The following DAPK2 variants were observed in gnomAD, a reference collection of about 807,000 sequenced individuals.
DAPK2 encodes the protein death associated protein kinase 2, also known as death-associated protein kinase 2.
DAPK2 carries 35 observed loss-of-function variants against 44.1 expected under a neutral mutation model. That is an observed-to-expected ratio of 0.79 (90% CI 0.61 to 1.05). The LOEUF (loss-of-function observed/expected upper bound fraction) is 1.05. Among genes scored for constraint, DAPK2 ranks in the 50% least tolerant of loss-of-function variants. The probability of loss-of-function intolerance (pLI) is 0.00; values close to 1 mark genes in which losing one functional copy is unlikely to be tolerated. For missense variants in DAPK2, 453 were observed against 483.2 expected, an observed-to-expected ratio of 0.94 and a Z score of 0.59; for synonymous variants, 174 against 182.6, an observed-to-expected ratio of 0.95 and a Z score of 0.38.
rs1444684866 is a variant in DAPK2 at position 63,923,110 on chromosome 15, G to C, written c.858+1706C>G. ...AAGCTTCCTTCTCATTGAAGATGGA[G>C]ACCAGGGCCTCCACATCGTCCTGGA... On this transcript the variant is annotated intron_variant, in intron 8 of 10. Coordinates refer to ENST00000261891, the Ensembl canonical transcript of DAPK2. This position sits in a 1 kb window ranked among gnomAD's most constrained non-coding sequence, Gnocchi z 4.2. 7 of 1,535,750 alleles carry C rather than the reference G, an allele frequency of 4.6e-6. No homozygotes were observed. The Admixed American group carries it at 5.9e-5, about 13-fold the overall frequency.
At chr15:63,968,834 T>A (rs538060864) in intron 3 of DAPK2, among the ~76,000 whole-genome samples, 1 of 152,316 alleles carries the variant, frequency 6.6e-6, no homozygotes, top group South Asian at 2.1e-4. Context: ...CTGCAGTCAT[T>A]GGTGCCTGTT....
chr15:63,969,411 C>A (rs566555574), intron 3 of DAPK2, among the ~76,000 whole-genome samples: 1 of 150,882 alleles, frequency 6.6e-6, no homozygotes, highest in East Asian at 2.0e-4. Context: ...CAGAGTGAGA[C>A]CCTGTCCCCC....
rs1567290108 is a variant in DAPK2 at position 64,036,320 on chromosome 15, TATATATATATATATATAC to T, written c.92+3832_92+3849del. Among the ~76,000 whole-genome samples the T allele has an allele frequency of 1.6e-4, 13 of 79,114 alleles. No individual in the cohort carries two copies. In the South Asian group the frequency reaches 3.4e-3, roughly 21 times the overall value. 51.9% of individuals were successfully genotyped at this position (79,114 alleles called of 152,430 possible). A position where few individuals can be genotyped will look rare whatever the true frequency, so the allele number is the denominator to read the frequency against. ...GTGTGTGTGTGTGTGTATATATATG[TATATATATATATATATAC>T]ATATATATATATATATTTTAGTTAA... On this transcript the variant is annotated intron_variant, in intron 1 of 10. Transcript: ENST00000261891.
intron 1 of DAPK2, among the ~76,000 whole-genome samples, chr15:64,029,602 G>T (rs2079953330): frequency 6.6e-6 from 1 of 152,190 alleles, no homozygotes; most frequent in Admixed American, 6.5e-5. Context: ...AAGGAGGAGA[G>T]TACTCCTGTG....
rs41415644 is a variant in DAPK2 at position 64,038,435 on chromosome 15, C to T, written c.92+1735G>A. On this transcript the variant is annotated intron_variant, in intron 1 of 10. Transcript: ENST00000261891. The stretch of plus-strand genomic sequence containing the variant: ...GAGAAGAACCTGAGGCACAGAGAAC[C>T]GGCTTCCCATTCAGAGGCAGGCTCC... 5.3e-5 allele frequency among the ~76,000 whole-genome samples: 8 copies of T among 152,300 alleles called. No homozygotes were observed. In the East Asian group the frequency reaches 5.8e-4, roughly 11 times the overall value.
rs575224597 is a variant in DAPK2, at chr15:64,037,730, C to T, written c.92+2440G>A. Among the ~76,000 whole-genome samples the T allele has an allele frequency of 4.6e-5, 7 of 152,268 alleles. No homozygotes were observed. In the South Asian group the frequency reaches 1.4e-3, roughly 32 times the overall value. On this transcript the variant is annotated intron_variant, in intron 1 of 10. Coordinates refer to ENST00000261891, the Ensembl canonical transcript of DAPK2. ...GCCTGTTCTGTGGCCCCAGGCAAGA[C>T]CCTTCCCTTCTCTGAGCCTCCATTT...
chr15:64,002,966 C>G (rs1330024010), intron 1 of DAPK2, among the ~76,000 whole-genome samples: 63 of 25,814 alleles, frequency 2.4e-3, no homozygotes, highest in Non-Finnish European at 2.9e-3. Flanking sequence ...GTGTGTGTGT[C>G]GTGGGACCTG....
chr15:64,001,889 TG>T (rs1158557861), intron 1 of DAPK2, among the ~76,000 whole-genome samples: 2 of 152,232 alleles, frequency 1.3e-5, no homozygotes, highest in African/African-American at 4.8e-5. Context: ...CCAATATTCA[TG>T]CCACATTTCC....
chr15:63,996,832 G>A (rs893403911), intron 1 of DAPK2, among the ~76,000 whole-genome samples: 1 of 152,186 alleles, frequency 6.6e-6, no homozygotes, highest in African/African-American at 2.4e-5. Flanking sequence ...CAAGTTCATT[G>A]TAGAGCAAAA....
At chr15:63,909,345 T>C (rs2078724735) in intron 10 of DAPK2, 1 of 152,164 alleles carries the variant, frequency 6.6e-6, no homozygotes, top group African/African-American at 2.4e-5. Context: ...TTTTTTTTTT[T>C]TTTTTAAGGA....
At chr15:63,965,125 T>C (rs2078018203) in intron 3 of DAPK2, among the ~76,000 whole-genome samples, 1 of 152,224 alleles carries the variant, frequency 6.6e-6, no homozygotes, top group African/African-American at 2.4e-5. Flanking sequence ...GACTTGAGTG[T>C]TGTAATCTAA....
exon 7 of DAPK2, chr15:63,926,050 T>C (rs766877161): frequency 1.9e-6 from 3 of 1,613,788 alleles, no homozygotes; most frequent in Admixed American, 1.7e-5. Context: ...TTTGCCAGTG[T>C]TTCCTGCTTC....
intron 3 of DAPK2, among the ~76,000 whole-genome samples, chr15:63,950,910 C>T (rs1007385213): frequency 4.6e-5 from 7 of 152,196 alleles, no homozygotes; most frequent in African/African-American, 1.7e-4. Context: ...TATTAACATC[C>T]TCATGACAGC....
intron 1 of DAPK2, among the ~76,000 whole-genome samples, chr15:63,997,887 A>C (rs1463739904): frequency 6.6e-6 from 1 of 152,194 alleles, no homozygotes; most frequent in Non-Finnish European, 1.5e-5. Context: ...TTTCATCATC[A>C]GTGAGACAGG....
chr15:64,021,189 G>T (rs557864502), intron 1 of DAPK2, among the ~76,000 whole-genome samples: 4 of 152,290 alleles, frequency 2.6e-5, no homozygotes, highest in Non-Finnish European at 4.4e-5. Context: ...CACTTCAGTG[G>T]GGTTCAGTCT....
At position 63,980,116 on chromosome 15, in the gene DAPK2, G is replaced by A. The variant is rs1443722310; in HGVS notation, c.314+3417C>T. Among the ~76,000 whole-genome samples, 4 of 152,070 alleles carry A rather than the reference G, an allele frequency of 2.6e-5. No homozygotes were observed. The highest frequency in any genetic ancestry group is 1.9e-4 in the East Asian group (1 of 5,188). ...TGGAAGTGAAGGGGGAGACAGAAAC[G>A]GGACAGAACTTAATAAGCACAGAGG... On this transcript the variant is annotated intron_variant, in intron 2 of 10. Coordinates refer to ENST00000261891, the Ensembl canonical transcript of DAPK2. This position sits in a 1 kb window ranked among gnomAD's most constrained non-coding sequence, Gnocchi z 4.3.
rs1366439291 is a variant in DAPK2, at chr15:63,912,531, G to T, written c.859-334C>A. Among the ~76,000 whole-genome samples, 1 of 152,232 alleles carries T rather than the reference G, an allele frequency of 6.6e-6. No homozygotes were observed. Among genetic ancestry groups the T allele is most frequent in the African/African-American group, 2.4e-5 (1 of 41,458 alleles). On this transcript the variant is annotated intron_variant, in intron 8 of 10. Transcript: ENST00000261891. This position sits in a 1 kb window ranked among gnomAD's most constrained non-coding sequence, Gnocchi z 4.4. ...GAGAGGGTCATTTTACAGCAGTCTGGGATGCCCTCTGGGCACTGGGGTGAT... is the reference window on the plus strand; with the variant it reads ...GAGAGGGTCATTTTACAGCAGTCTGTGATGCCCTCTGGGCACTGGGGTGAT...
chr15:63,922,133 T>TA (rs2079091047), intron 8 of DAPK2: 1 of 232,650 alleles, frequency 4.3e-6, no homozygotes, highest in Admixed American at 6.5e-5. Context: ...TCTCATCAGT[T>TA]ACATGTAAAT....
chr15:63,946,068 A>G (rs2077441971), intron 3 of DAPK2, among the ~76,000 whole-genome samples: 1 of 152,254 alleles, frequency 6.6e-6, no homozygotes, highest in South Asian at 2.1e-4. Context: ...GGGAGGGGTC[A>G]CATTCCCACA....
Sources: allele counts gnomAD v4.1 joint callset (sites outside exome capture counted in the v4.1 genomes callset), GRCh38; gene constraint gnomAD v4.1.1; non-coding constraint Gnocchi (gnomAD v3.1); transcripts MANE v1.5; gene names NCBI Gene and HGNC (gene_info 2026-07-23, HGNC 2026-07-21).